Variants in VWA3B observed in about 807,000 individuals in gnomAD.
VWA3B encodes the protein von Willebrand factor A domain-containing protein 3B.
VWA3B carries 138 observed loss-of-function variants against 158.3 expected under a neutral mutation model. The observed-to-expected ratio is 0.87, with a 90% confidence interval of 0.76 to 1.00. The LOEUF (loss-of-function observed/expected upper bound fraction) is 1.00, where lower values mean the gene tolerates loss of function less well. Ranked by LOEUF, VWA3B falls within the 50% of genes least tolerant of loss-of-function variation. VWA3B has a pLI of 0.00. For synonymous variants in VWA3B, 596 were observed against 587.3 expected, an observed-to-expected ratio of 1.01 and a Z score of -0.21; for missense variants, 1,555 against 1,565.1, an observed-to-expected ratio of 0.99 and a Z score of 0.11.
rs1690955591 is a variant in VWA3B, at chr2:98,312,263, A to G, written c.3799A>G (p.Thr1267Ala). The change falls in exon 28 of 28, where the codon ACA becomes GCA. Residue 1267 changes from threonine to alanine, a missense_variant. Coordinates refer to ENST00000477737, the MANE Select transcript of VWA3B (RefSeq NM_144992.5). The stretch of plus-strand genomic sequence containing the variant: ...ACTCAGCAGCCACGCCATCATTGCC[A>G]CACCTCCACCTCGAGCAGCCCTGCC... ...LGLSSHAIIA[T>A]PPPRAALPCT... 1 of 1,613,932 alleles carries G rather than the reference A, an allele frequency of 6.2e-7. No individual in the cohort carries two copies. Among genetic ancestry groups the G allele is most frequent in the Admixed American group, 1.7e-5 (1 of 59,994 alleles).
rs780422190 is a variant in VWA3B at position 98,217,975 on chromosome 2, T to C, written c.1966T>C (p.Phe656Leu). 6.2e-7 allele frequency: 1 copy of C among 1,612,932 alleles called. No homozygotes were observed. Among genetic ancestry groups the C allele is most frequent in the South Asian group, 1.1e-5 (1 of 90,930 alleles). Residue 656 changes from phenylalanine (F) to leucine (L), a missense_variant, in exon 14 of 28, where the codon TTC (phenylalanine) becomes CTC (leucine). Coordinates refer to ENST00000477737, the MANE Select transcript of VWA3B (RefSeq NM_144992.5). Reference sequence around the variant, plus strand: ...GGTTGCTGCTTTGACTGGAGGAGAGTTCCATTTTTATAATTTTGGTTGCAA... The same window carrying C: ...GGTTGCTGCTTTGACTGGAGGAGAGCTCCATTTTTATAATTTTGGTTGCAA... ...KEVAALTGGE[F>L]HFYNFGCKDP... is the part of the protein sequence containing the mutation.
chr2:98,158,919 C>G (rs1241687988), intron 7 of VWA3B, among the ~76,000 whole-genome samples: 1 of 152,090 alleles, frequency 6.6e-6, no homozygotes, highest in Non-Finnish European at 1.5e-5. Flanking sequence ...CACTGCATCC[C>G]CAGCACCAAT....
chr2:98,146,190 G>A (rs888928968), intron 7 of VWA3B, among the ~76,000 whole-genome samples: 1 of 152,146 alleles, frequency 6.6e-6, no homozygotes, highest in Admixed American at 6.5e-5. Flanking sequence ...TAATTGTAAG[G>A]ACTCCTTGGT....
In VWA3B at chr2:98,228,223, G is replaced by C. The variant is rs777680981; in HGVS notation, c.2041G>C (p.Val681Leu). Residue 681 changes from valine to leucine, a missense_variant, in exon 15 of 28, where the codon GTT becomes CTT. Transcript: ENST00000477737. ...AVQNEDLTLL[V>L]KEMEQGHSDL... ...GCAGAATGAAGATCTGACTCTTTTA[G>C]TTAAGGAAATGGAACAGGGTCACAG... 3 of 1,613,380 alleles carry C rather than the reference G, an allele frequency of 1.9e-6. No homozygotes were observed. Among genetic ancestry groups the C allele is most frequent in the Non-Finnish European group, 2.5e-6 (3 of 1,179,756 alleles).
At position 98,256,193 on chromosome 2, in the gene VWA3B, T is replaced by C. The variant is rs1390461844; in HGVS notation, c.2843+19T>C. On this transcript the variant is annotated intron_variant, in intron 21 of 27. Transcript: ENST00000477737. ...AAGAAAAGTAAGCCATTCCATTCCC[T>C]CCTCACTTTTTTTTTTTGGTGAAAT... 1.3e-6 allele frequency: 2 copies of C among 1,528,768 alleles called. No homozygotes were observed. The highest frequency in any genetic ancestry group is 1.7e-6 in the Non-Finnish European group (2 of 1,148,656). The allele number at this position is 1,528,768 out of a possible 1,614,324, so 94.7% of individuals were successfully genotyped here.
At chr2:98,155,024 A>G (rs1558611483) in intron 7 of VWA3B, among the ~76,000 whole-genome samples, 1 of 152,348 alleles carries the variant, frequency 6.6e-6, no homozygotes, top group East Asian at 1.9e-4. Context: ...ACAGATAAAC[A>G]TAGTTCTGTC....
chr2:98,268,354 G>A (rs1687983302), intron 21 of VWA3B, among the ~76,000 whole-genome samples: 1 of 152,112 alleles, frequency 6.6e-6, no homozygotes, highest in Non-Finnish European at 1.5e-5. Context: ...GATCAAGTGG[G>A]CTTCAACCCT....
chr2:98,306,713 G>A (rs1202483350), intron 26 of VWA3B, among the ~76,000 whole-genome samples: 2 of 152,138 alleles, frequency 1.3e-5, no homozygotes, highest in Non-Finnish European at 2.9e-5. Flanking sequence ...GAATGAAAAT[G>A]CAAATCCTTG....
intron 7 of VWA3B, among the ~76,000 whole-genome samples, chr2:98,155,392 A>G (rs1006008529): frequency 1.3e-5 from 2 of 152,202 alleles, no homozygotes; most frequent in African/African-American, 4.8e-5. Flanking sequence ...TTTCCAGGAT[A>G]CCCAAGGCCA....
At chr2:98,166,174 C>G (rs112290759) in intron 8 of VWA3B, among the ~76,000 whole-genome samples, 17,185 of 152,040 alleles carry the variant, frequency 0.11, 1,028 homozygotes, top group Middle Eastern at 0.14. Flanking sequence ...CCATCTCTAC[C>G]AAAAATACAA....
chr2:98,188,622 C>T (rs1032151296), intron 10 of VWA3B, among the ~76,000 whole-genome samples: 11 of 152,182 alleles, frequency 7.2e-5, no homozygotes, highest in African/African-American at 1.9e-4. Flanking sequence ...ACTTAATTTG[C>T]TTAACATAAT....
At chr2:98,325,460 A>G in the VWA3B span, among the ~76,000 whole-genome samples, 1 of 152,202 alleles carries the variant, frequency 6.6e-6, no homozygotes, top group African/African-American at 2.4e-5. Context: ...GAGCAAAATG[A>G]AGACTTTTGC....
chr2:98,245,141 A>G (rs1686309981), intron 19 of VWA3B, among the ~76,000 whole-genome samples: 1 of 152,118 alleles, frequency 6.6e-6, no homozygotes. Flanking sequence ...TAAATCAAAT[A>G]TTATCCAGAA....
intron 6 of VWA3B, chr2:98,133,609 G>A: frequency 1.9e-6 from 1 of 522,240 alleles, no homozygotes; most frequent in South Asian, 3.1e-5. Flanking sequence ...TGAGTTGTCG[G>A]TTAAAATCCC....
intron 9 of VWA3B, among the ~76,000 whole-genome samples, chr2:98,182,503 A>T (rs1054582899): frequency 6.6e-6 from 1 of 152,244 alleles, no homozygotes; most frequent in Non-Finnish European, 1.5e-5. Flanking sequence ...TTACCCTAGG[A>T]TGCAGGGTAA....
chr2:98,265,986 T>C (rs1192724737), intron 21 of VWA3B, among the ~76,000 whole-genome samples: 58 of 141,302 alleles, frequency 4.1e-4, no homozygotes, highest in Non-Finnish European at 7.0e-4. Context: ...TTCTCCCATT[T>C]TGTAGGTTGC....
intron 8 of VWA3B, 150 bp downstream of exon 8, chr2:98,163,126 G>A (rs1167096677): frequency 4.8e-6 from 6 of 1,241,568 alleles, no homozygotes; most frequent in African/African-American, 4.5e-5. Flanking sequence ...TGTGGGGTGA[G>A]GGGTGGGGAG....
chr2:98,309,167 C>CA (rs763812141), intron 26 of VWA3B, among the ~76,000 whole-genome samples: 8,134 of 68,984 alleles, frequency 0.12, 274 homozygotes, highest in African/African-American at 0.15. Flanking sequence ...GAGACTCTGT[C>CA]AAAAAAAAAA....
rs561699190 is a variant in VWA3B, at chr2:98,301,206, C to A, written c.3420+990C>A. 6.7e-4 allele frequency among the ~76,000 whole-genome samples: 102 copies of A among 151,716 alleles called. 1 individual carries two copies. The highest frequency in any genetic ancestry group is 1.3e-3 in the Non-Finnish European group (90 of 67,944). On this transcript the variant is annotated intron_variant, in intron 25 of 27. Transcript: ENST00000477737. Reference sequence around the variant, plus strand: ...TCGGGAGGCTGAGGCAGGAGAATGGCGTGAACCTGGGAGGCAGAGCTTGCA... The same window carrying A: ...TCGGGAGGCTGAGGCAGGAGAATGGAGTGAACCTGGGAGGCAGAGCTTGCA...
Sources: allele counts gnomAD v4.1 joint callset (sites outside exome capture counted in the v4.1 genomes callset), GRCh38; gene constraint gnomAD v4.1.1; transcripts MANE v1.5; gene names NCBI Gene and HGNC (gene_info 2026-07-23, HGNC 2026-07-21).